GSN: variants seen among roughly 807,000 people sequenced by gnomAD.
GSN encodes the protein actin-depolymerizing factor.
A neutral mutation model predicts 85.7 loss-of-function variants in GSN; 56 were observed. That is an observed-to-expected ratio of 0.65 (90% CI 0.53 to 0.82). The LOEUF is 0.82. Among genes scored for constraint, GSN ranks in the 40% least tolerant of loss-of-function variants. The probability of loss-of-function intolerance (pLI) is 0.00; values close to 1 mark genes in which losing one functional copy is unlikely to be tolerated. For synonymous variants in GSN, 373 were observed against 399.1 expected (o/e 0.93, Z 0.78); for missense variants, 857 against 979.8 (o/e 0.87, Z 1.67).
At position 121,318,525 on chromosome 9, in the gene GSN, G is replaced by C; in HGVS notation, c.975+31G>C. The C allele has an allele frequency of 6.4e-7, 1 of 1,564,066 alleles. No individual in the cohort carries two copies. Among genetic ancestry groups the C allele is most frequent in the Non-Finnish European group, 8.8e-7 (1 of 1,134,304 alleles). ...TCTTGGAGGCCAGGTAGGATGGGAA[G>C]GGGTGGGTCCTGTTTGGAGGGGATG... On this transcript the variant is annotated intron_variant, in intron 9 of 17. Transcript: ENST00000432226. The surrounding 1 kb of genome is among the most constrained non-coding windows in gnomAD (Gnocchi z 4.3).
At chr9:121,319,428 G>A (rs897736941) in intron 10 of GSN, among the ~76,000 whole-genome samples, 8 of 152,094 alleles carry the variant, frequency 5.3e-5, no homozygotes, top group East Asian at 3.9e-4. Flanking sequence ...GTGGGTGCTA[G>A]TGAGGGGTTT....
intron 2 of GSN, among the ~76,000 whole-genome samples, chr9:121,286,982 GA>G (rs1190793180): frequency 1.3e-5 from 2 of 152,172 alleles, no homozygotes; most frequent in African/African-American, 2.4e-5. Flanking sequence ...ATGAGCATAG[GA>G]GGTGTTATTT....
chr9:121,252,927 C>T (rs2054870666), intron 6 of GSN, among the ~76,000 whole-genome samples: 1 of 152,116 alleles, frequency 6.6e-6, no homozygotes, highest in Non-Finnish European at 1.5e-5. Context: ...AGGAAAATAC[C>T]ATGAACTGGA....
intron 3 of GSN, among the ~76,000 whole-genome samples, chr9:121,210,535 G>C (rs1311134580): frequency 6.6e-6 from 1 of 152,196 alleles, no homozygotes; most frequent in Non-Finnish European, 1.5e-5. Flanking sequence ...GCCACTGAGA[G>C]CTGCTAATAT....
intron 4 of GSN, among the ~76,000 whole-genome samples, chr9:121,227,935 G>A (rs1193328459): frequency 6.6e-6 from 1 of 152,052 alleles, no homozygotes; most frequent in African/African-American, 2.4e-5. Context: ...GACATCCCGG[G>A]GCCAGGAATG....
At chr9:121,285,168 G>C (rs980725611) in intron 2 of GSN, 1 of 167,266 alleles carries the variant, frequency 6.0e-6, no homozygotes, top group African/African-American at 2.4e-5. Context: ...TGGAGTTGGT[G>C]ATGATTAAAC....
chr9:121,291,366 C>T (rs909023145), intron 2 of GSN, among the ~76,000 whole-genome samples: 1 of 151,202 alleles, frequency 6.6e-6, no homozygotes, highest in Non-Finnish European at 1.5e-5. Context: ...CCAACTGATC[C>T]CGCGTGGATA....
intron 2 of GSN, chr9:121,282,114 G>A: frequency 2.2e-6 from 1 of 463,058 alleles, no homozygotes; most frequent in South Asian, 1.8e-5. Context: ...GTGACCTGCT[G>A]AAGTAGGTGG....
chr9:121,321,506 T>G (rs1472960882), intron 11 of GSN, 105 bp downstream of exon 11: 2 of 1,094,406 alleles, frequency 1.8e-6, no homozygotes, highest in Admixed American at 2.0e-5. Flanking sequence ...GGACCACCAC[T>G]CCCTGCTGGG....
At chr9:121,251,581 C>T (rs1356120735) in intron 6 of GSN, among the ~76,000 whole-genome samples, 1 of 151,970 alleles carries the variant, frequency 6.6e-6, no homozygotes, top group African/African-American at 2.4e-5. Flanking sequence ...ATTGTTATAT[C>T]ACCTCTAAAC....
At chr9:121,286,898 A>G (rs187774226) in intron 2 of GSN, 3 of 718,524 alleles carry the variant, frequency 4.2e-6, no homozygotes, top group East Asian at 2.7e-5. Flanking sequence ...AAAGGAGACA[A>G]TGCCAGCCAT....
chr9:121,232,130 G>A (rs2054401841), intron 5 of GSN, among the ~76,000 whole-genome samples: 1 of 152,130 alleles, frequency 6.6e-6, no homozygotes, highest in African/African-American at 2.4e-5. Flanking sequence ...GGAAGTGATG[G>A]GAGAGACCAG....
chr9:121,310,014 AAAGG>A (rs542772664), intron 4 of GSN: 5 of 153,708 alleles, frequency 3.3e-5, no homozygotes, highest in Admixed American at 1.3e-4. Context: ...AGAAAGAGAG[AAAGG>A]AAGGAAGGAA....
chr9:121,291,416 CTT>C (rs10615868), intron 2 of GSN, among the ~76,000 whole-genome samples: 60,378 of 102,852 alleles, frequency 0.59, 15,224 homozygotes, highest in East Asian at 0.72. Context: ...CCCCACTGGA[CTT>C]TTTTTTTTTT....
Position 121,318,545 on chromosome 9 carries a change from G to A in GSN, c.975+51G>A. On this transcript the variant is annotated intron_variant, in intron 9 of 17. Coordinates refer to ENST00000432226, the MANE Select transcript of GSN (RefSeq NM_198252.3). This position sits in a 1 kb window ranked among gnomAD's most constrained non-coding sequence, Gnocchi z 4.3. ...GGGAAGGGGTGGGTCCTGTTTGGAG[G>A]GGATGGGCTGGAGTAGGGCGGGTGT... is the stretch of plus-strand genomic sequence containing the variant. The A allele has an allele frequency of 2.0e-6, 3 of 1,513,916 alleles. No individual in the cohort carries two copies. Among genetic ancestry groups the A allele is most frequent in the East Asian group, 2.3e-5 (1 of 44,408 alleles). The allele number at this position is 1,513,916 out of a possible 1,614,324, so 93.8% of individuals were successfully genotyped here. A position where few individuals can be genotyped will look rare whatever the true frequency, so the allele number is the denominator to read the frequency against.
intron 5 of GSN, among the ~76,000 whole-genome samples, chr9:121,240,832 G>A (rs773754120): frequency 8.8e-4 from 134 of 152,342 alleles, no homozygotes; most frequent in South Asian, 4.6e-3. Flanking sequence ...CTGCAGCTGT[G>A]TTTCTAAATG....
chr9:121,203,137 A>C (rs1256158073), upstream of GSN: 1 of 152,338 alleles, frequency 6.6e-6, no homozygotes, highest in African/African-American at 2.4e-5. Context: ...AAAAAAAAAA[A>C]AAAGGAACGT....
intron 6 of GSN, among the ~76,000 whole-genome samples, chr9:121,249,849 T>G (rs2054779664): frequency 6.6e-6 from 1 of 152,214 alleles, no homozygotes. Flanking sequence ...AAATGGCTGC[T>G]GCTTTCTTGA....
chr9:121,331,471 GC>G, intron 17 of GSN, 23 bp downstream of exon 17: 4 of 1,336,148 alleles, frequency 3.0e-6, no homozygotes, highest in Non-Finnish European at 3.2e-6. Context: ...GTGCCTGGGG[GC>G]GGGGGGAGGG....
Sources: gnomAD v4.1 joint callset for allele counts (sites outside exome capture counted in the v4.1 genomes callset) on GRCh38, gnomAD v4.1.1 for gene constraint, Gnocchi (gnomAD v3.1) non-coding constraint, MANE v1.5 for transcripts, NCBI Gene and HGNC (gene_info 2026-07-23, HGNC 2026-07-21) for gene names.